DST: variants seen among roughly 807,000 people sequenced by gnomAD.
DST encodes the protein dystonin.
In DST, 253 loss-of-function variants were observed where a neutral mutation model predicts 875.2. The observed-to-expected ratio is 0.29, with a 90% CI of 0.26 to 0.32. DST has a LOEUF of 0.32. Among genes scored for constraint, DST ranks in the 10% least tolerant of loss-of-function variants. DST has a pLI of 1.00. For synonymous variants in DST, 3,124 were observed against 3,197.1 expected (o/e 0.98, Z 0.77); for missense variants, 8,287 against 9,111.6 (o/e 0.91, Z 3.68).
intron 2 of DST, among the ~76,000 whole-genome samples, chr6:56,922,418 C>A (rs1033464010): frequency 7.2e-5 from 11 of 152,092 alleles, no homozygotes; most frequent in African/African-American, 2.7e-4. Context: ...CAAAACCTGG[C>A]TAAAAAACTT....
At chr6:56,728,987 C>A (rs925212964) in intron 5 of DST, among the ~76,000 whole-genome samples, 1 of 136,852 alleles carries the variant, frequency 7.3e-6, no homozygotes, top group Non-Finnish European at 1.5e-5. Context: ...CACACACACA[C>A]ACACACACAC....
At chr6:56,618,551 C>T (rs1451456384) in intron 36 of DST, 1 of 1,614,030 alleles carries the variant, frequency 6.2e-7, no homozygotes, top group African/African-American at 1.3e-5. Context: ...AAGTTTCTGA[C>T]ATTTTTGGTA....
chr6:56,498,172 G>T, intron 80 of DST, 119 bp from the exon 81 acceptor site: 1 of 1,022,272 alleles, frequency 9.8e-7, no homozygotes, highest in Admixed American at 2.5e-5. Context: ...TATATGTGTA[G>T]AATTTTAATT....
At chr6:56,867,109 T>G (rs1774517823) in intron 3 of DST, among the ~76,000 whole-genome samples, 1 of 152,172 alleles carries the variant, frequency 6.6e-6, no homozygotes, top group South Asian at 2.1e-4. Context: ...ACTGGGGGGA[T>G]AACAGAGAAC....
In DST at chr6:56,639,308, A is replaced by G. The variant is rs2098860064; in HGVS notation, c.2915T>C (p.Ile972Thr). 1 of 1,613,858 alleles carries G rather than the reference A, an allele frequency of 6.2e-7. No homozygotes were observed. Among genetic ancestry groups the G allele is most frequent in the African/African-American group, 1.3e-5 (1 of 75,066 alleles). ...KEENIKSVQE[I>T]AEQLLLENHP... is the part of the protein sequence containing the mutation. ...ATTTTCTAGAAGTAGCTGCTCTGCT[A>G]TCTCCTGAACTGATTTAATATTTTC... Residue 972 changes from isoleucine (I) to threonine (T), a missense_variant, in exon 22 of 104, where the codon ATA becomes ACA. Ile to Thr is a moderately conservative substitution (Grantham distance 89). This residue lies in a region of DST where 1,160 missense variants were observed against 1,424.3 expected (regional missense o/e 0.81). Transcript: ENST00000680361.
chr6:56,607,205 T>A lies in DST; in HGVS notation c.7423A>T (p.Thr2475Ser), dbSNP rs755348441. The A allele has an allele frequency of 9.9e-6, 16 of 1,613,478 alleles. No individual in the cohort carries two copies. Among genetic ancestry groups the A allele is most frequent in the Non-Finnish European group, 1.3e-5 (15 of 1,179,618 alleles). ...EAPALSFSDK[T>S]MLSGQRIGEK... ...CCTATTCTTTGACCTGACAACATGG[T>A]TTTGTCACTGAATGATAAGGCTGGG... The change falls in exon 40 of 104, where the codon ACC becomes TCC. Residue 2475 changes from threonine to serine, a missense_variant. This residue lies in a region of DST where 3,138 missense variants were observed against 3,116.6 expected (regional missense o/e 1.01). Transcript: ENST00000680361.
chr6:56,465,730 T>C (rs1417089078), intron 99 of DST, among the ~76,000 whole-genome samples: 6 of 152,112 alleles, frequency 3.9e-5, no homozygotes, highest in Non-Finnish European at 8.8e-5. Flanking sequence ...AATTTTCTTT[T>C]CTCTTACTTT....
At chr6:56,767,371 C>T (rs1231350003) in intron 4 of DST, among the ~76,000 whole-genome samples, 3 of 152,116 alleles carry the variant, frequency 2.0e-5, no homozygotes, top group African/African-American at 2.4e-5. Flanking sequence ...AATCCCAACA[C>T]TTTGGGAGGC....
chr6:56,922,133 C>A (rs969085888), intron 2 of DST, among the ~76,000 whole-genome samples: 1 of 152,182 alleles, frequency 6.6e-6, no homozygotes, highest in Non-Finnish European at 1.5e-5. Context: ...TCAGTTAGCA[C>A]TCCCATTTCC....
At chr6:56,587,861 T>G (rs2152675404) in intron 49 of DST, among the ~76,000 whole-genome samples, 1 of 152,140 alleles carries the variant, frequency 6.6e-6, no homozygotes, top group South Asian at 2.1e-4. Context: ...AAGCCAATGC[T>G]GAGAGATTTT....
chr6:56,780,779 T>C (rs1477310594), intron 4 of DST, among the ~76,000 whole-genome samples: 2 of 151,664 alleles, frequency 1.3e-5, no homozygotes, highest in Non-Finnish European at 3.0e-5. Context: ...GCTTTTGGTG[T>C]TTTAGACATG....
intron 59 of DST, 53 bp from the exon 60 acceptor site, chr6:56,555,893 A>G: frequency 7.1e-7 from 1 of 1,400,700 alleles, no homozygotes; most frequent in South Asian, 1.9e-5. Context: ...GATTGTAGAA[A>G]ACACAGATTT....
chr6:56,517,132 G>A, intron 71 of DST, 66 bp downstream of exon 71: 1 of 1,133,384 alleles, frequency 8.8e-7, no homozygotes. Flanking sequence ...GTTTTTCTAG[G>A]ACTGAAAGCT....
At chr6:56,658,183 C>G (rs1045149785) in intron 10 of DST, among the ~76,000 whole-genome samples, 1 of 152,158 alleles carries the variant, frequency 6.6e-6, no homozygotes, top group African/African-American at 2.4e-5. Context: ...CTGCCTCAGC[C>G]CAGCCTCCCG....
At chr6:56,915,801 T>C (rs1800641403) in intron 2 of DST, among the ~76,000 whole-genome samples, 2 of 152,184 alleles carry the variant, frequency 1.3e-5, no homozygotes, top group South Asian at 2.1e-4. Context: ...TAAATGTATA[T>C]GCAAACTGAA....
chr6:56,697,389 A>G (rs1267262087), intron 9 of DST, among the ~76,000 whole-genome samples: 1 of 152,194 alleles, frequency 6.6e-6, no homozygotes, highest in African/African-American at 2.4e-5. Context: ...TTCCTAAAAC[A>G]CATTTTTTAA....
rs763206633 is a variant in DST at position 56,511,252 on chromosome 6, T to G, written c.18725A>C (p.Glu6242Ala). ...AADTLYSQIK[E>A]DVKKRAVALD... is the part of the protein sequence containing the mutation. ...TGCCACAGCACGCTTTTTGACATCT[T>G]CTTTAATTTGACTGTAAAGGGTGTC... Residue 6242 changes from glutamate (E) to alanine (A), a missense_variant, in exon 73 of 104, where the codon GAA becomes GCA. Physicochemically the swap from Glu to Ala is moderately radical, Grantham distance 107. This residue lies in a region of DST where 1,292 missense variants were observed against 1,552.7 expected (regional missense o/e 0.83). Coordinates refer to ENST00000680361, the MANE Select transcript of DST (RefSeq NM_001374736.1). The G allele has an allele frequency of 1.3e-6, 2 of 1,597,084 alleles. No individual in the cohort carries two copies. The highest frequency in any genetic ancestry group is 1.7e-6 in the Non-Finnish European group (2 of 1,170,836).
chr6:56,589,848 C>G (rs1429584654), intron 49 of DST, among the ~76,000 whole-genome samples: 2 of 152,130 alleles, frequency 1.3e-5, no homozygotes, highest in Non-Finnish European at 2.9e-5. Context: ...AAAAGCATTT[C>G]AAATGAAATG....
intron 41 of DST, 37 bp from the exon 42 acceptor site, chr6:56,603,457 A>C: frequency 6.3e-7 from 1 of 1,599,076 alleles, no homozygotes; most frequent in Non-Finnish European, 8.5e-7. Context: ...TTTACTATTT[A>C]GTGAAAAACC....
Sources: allele counts gnomAD v4.1 joint callset (sites outside exome capture counted in the v4.1 genomes callset), GRCh38; gene constraint gnomAD v4.1.1; regional missense constraint gnomAD v4.1.1; transcripts MANE v1.5; gene names NCBI Gene and HGNC (gene_info 2026-07-23, HGNC 2026-07-21).